CELF2: variants seen among roughly 807,000 people sequenced by gnomAD.
The protein encoded by CELF2 is CUGBP Elav-like family member 2.
Under a neutral mutation model 62.6 loss-of-function variants are expected in CELF2, and 8 were observed. That is an observed-to-expected ratio of 0.13 (90% CI 0.07 to 0.23). CELF2 has a LOEUF of 0.23. Ranked by LOEUF, CELF2 falls within the 10% of genes least tolerant of loss-of-function variation. CELF2 has a pLI of 1.00. For synonymous variants in CELF2, 258 were observed against 250.0 expected, an observed-to-expected ratio of 1.03 and a Z score of -0.30; for missense variants, 333 against 671.0, an observed-to-expected ratio of 0.50 and a Z score of 5.56.
At chr10:10,468,413 C>A in the CELF2 span, among the ~76,000 whole-genome samples, 1 of 151,934 alleles carries the variant, frequency 6.6e-6, no homozygotes, top group East Asian at 1.9e-4. Context: ...ACTGGTAAAG[C>A]CATGTTCCAT....
rs1270434191 is a variant in CELF2, at chr10:11,252,496, G to GAAAA, written c.403+3295_403+3296insAAAA. Among the ~76,000 whole-genome samples the GAAAA allele has an allele frequency of 9.8e-5, 15 of 152,318 alleles. No homozygotes were observed. In the East Asian group the frequency reaches 2.3e-3, roughly 24 times the overall value. Reference sequence around the variant, plus strand: ...ATCATGGATTAATTCATGATGGACAGGTGAACTCCAGAAAAGCAGTCACCC... The same window carrying GAAAA: ...ATCATGGATTAATTCATGATGGACAGAAAAGTGAACTCCAGAAAAGCAGTCACCC... On this transcript the variant is annotated intron_variant, in intron 4 of 12. Transcript: ENST00000633077.
At chr10:10,908,401 T>C (rs1205569761) in intron 1 of CELF2, among the ~76,000 whole-genome samples, 1 of 151,656 alleles carries the variant, frequency 6.6e-6, no homozygotes, top group African/African-American at 2.4e-5. Context: ...TTTGTATTTT[T>C]AGTAGAGACG....
intron 4 of CELF2, among the ~76,000 whole-genome samples, chr10:11,257,121 A>G (rs1395271844): frequency 2.0e-5 from 3 of 152,086 alleles, no homozygotes; most frequent in African/African-American, 7.2e-5. Flanking sequence ...CACGGGAAAG[A>G]GGTACTTTCC....
chr10:10,772,761 T>G, the CELF2 span, among the ~76,000 whole-genome samples: 2 of 152,214 alleles, frequency 1.3e-5, no homozygotes, highest in Admixed American at 6.5e-5. Context: ...AAATCCTTTA[T>G]TTCCTAGGAA....
At chr10:10,622,596 T>C in the CELF2 span, among the ~76,000 whole-genome samples, 5,300 of 152,078 alleles carry the variant, frequency 0.035, 203 homozygotes, top group African/African-American at 0.099. Context: ...TAGAGGCTAC[T>C]GTGAGCCATG....
At chr10:10,792,347 G>A in the CELF2 span, 1 of 398,338 alleles carries the variant, frequency 2.5e-6, no homozygotes, top group East Asian at 3.6e-5. Context: ...GGGGAGTGGG[G>A]AGTGGGTAAT....
At chr10:10,683,325 A>G in the CELF2 span, among the ~76,000 whole-genome samples, 1 of 152,218 alleles carries the variant, frequency 6.6e-6, no homozygotes, top group African/African-American at 2.4e-5. Context: ...GGGCATTGTT[A>G]CTGATAAATA....
chr10:11,142,966 G>T (rs1210674256), intron 1 of CELF2, among the ~76,000 whole-genome samples: 55 of 144,446 alleles, frequency 3.8e-4, no homozygotes, highest in African/African-American at 8.2e-4. Flanking sequence ...TCCACTGGGG[G>T]AACTCACTCC....
At chr10:11,282,282 G>A (rs2089205516) in intron 8 of CELF2, among the ~76,000 whole-genome samples, 1 of 152,206 alleles carries the variant, frequency 6.6e-6, no homozygotes, top group African/African-American at 2.4e-5. Flanking sequence ...GGGACCGAGA[G>A]GGCAGAGGGC....
chr10:10,846,989 G>A (rs538523422), intron 1 of CELF2, among the ~76,000 whole-genome samples: 87 of 152,170 alleles, frequency 5.7e-4, no homozygotes, highest in Non-Finnish European at 1.1e-3. Flanking sequence ...AGATGTCTCC[G>A]ATGTGATGTC....
chr10:11,242,577 G>C lies in CELF2; in HGVS notation c.355-6576G>C, dbSNP rs983486201. On this transcript the variant is annotated intron_variant, in intron 3 of 12. Transcript: ENST00000633077. This position sits in a 1 kb window ranked among gnomAD's most constrained non-coding sequence, Gnocchi z 4.8. ...GGTGGTGACAGCTGTTGGCAGAGCT[G>C]TGTGCAGCGCTCTGTGCATGCACTT... 1.3e-5 allele frequency among the ~76,000 whole-genome samples: 2 copies of C among 152,246 alleles called. No individual in the cohort carries two copies. Among genetic ancestry groups the C allele is most frequent in the Non-Finnish European group, 2.9e-5 (2 of 68,046 alleles).
intron 1 of CELF2, among the ~76,000 whole-genome samples, chr10:11,121,249 A>G (rs2057682665): frequency 6.6e-6 from 1 of 152,144 alleles, no homozygotes; most frequent in African/African-American, 2.4e-5. Flanking sequence ...TTTAAGACCT[A>G]TCTTAGTGTT....
At chr10:11,128,827 G>A (rs2059155230) in intron 1 of CELF2, among the ~76,000 whole-genome samples, 1 of 152,082 alleles carries the variant, frequency 6.6e-6, no homozygotes, top group Non-Finnish European at 1.5e-5. Flanking sequence ...CTGCAAACAG[G>A]GACAATTTGA....
intron 1 of CELF2, among the ~76,000 whole-genome samples, chr10:11,108,252 C>A (rs1008025592): frequency 1.3e-5 from 2 of 150,692 alleles, no homozygotes; most frequent in Non-Finnish European, 2.9e-5. Context: ...GATGTGTCAA[C>A]CCTTTGTTTA....
chr10:10,574,474 T>A, the CELF2 span, among the ~76,000 whole-genome samples: 2 of 152,154 alleles, frequency 1.3e-5, no homozygotes, highest in Non-Finnish European at 2.9e-5. Flanking sequence ...CCAACCAACT[T>A]GTTACTAATG....
At chr10:11,089,049 TGTAC>T (rs2141851334) in intron 1 of CELF2, among the ~76,000 whole-genome samples, 1 of 152,276 alleles carries the variant, frequency 6.6e-6, no homozygotes, top group East Asian at 1.9e-4. Flanking sequence ...AGGAGAAAGC[TGTAC>T]AGTCTTTTCA....
chr10:11,201,428 T>C (rs1260703013), intron 2 of CELF2, among the ~76,000 whole-genome samples: 1 of 152,164 alleles, frequency 6.6e-6, no homozygotes, highest in Non-Finnish European at 1.5e-5. Context: ...TGTGTGTGTT[T>C]TGTTACTTTT....
intron 1 of CELF2, among the ~76,000 whole-genome samples, chr10:10,812,124 G>T (rs1222508964): frequency 6.6e-6 from 1 of 152,084 alleles, no homozygotes; most frequent in African/African-American, 2.4e-5. Flanking sequence ...ACCCGAGAGT[G>T]GGTGAGTTAT....
At chr10:11,081,017 C>T (rs2073877077) in intron 1 of CELF2, among the ~76,000 whole-genome samples, 2 of 152,142 alleles carry the variant, frequency 1.3e-5, no homozygotes, top group Non-Finnish European at 1.5e-5. Flanking sequence ...TTGAATTTCT[C>T]AGATGTTGCT....
Sources: gnomAD v4.1 joint callset for allele counts (sites outside exome capture counted in the v4.1 genomes callset) on GRCh38, gnomAD v4.1.1 for gene constraint, Gnocchi (gnomAD v3.1) non-coding constraint, MANE v1.5 for transcripts, NCBI Gene and HGNC (gene_info 2026-07-23, HGNC 2026-07-21) for gene names.